STARD9: variants seen among roughly 807,000 people sequenced by gnomAD.
STARD9 encodes the protein StAR related lipid transfer domain containing 9.
A neutral mutation model predicts 399.8 loss-of-function variants in STARD9; 346 were observed. The observed-to-expected ratio is 0.87, with a 90% CI of 0.79 to 0.95. The LOEUF (loss-of-function observed/expected upper bound fraction) is 0.95, where lower values mean the gene tolerates loss of function less well. STARD9 is among the 40% of genes least tolerant of loss of function. The probability of loss-of-function intolerance (pLI) is 0.00; values close to 1 mark genes in which losing one functional copy is unlikely to be tolerated. For synonymous variants in STARD9, 2,203 were observed against 2,143.5 expected (o/e 1.03, Z -0.77); for missense variants, 5,832 against 5,667.5 (o/e 1.03, Z -0.93).
chr15:42,689,879 G>A lies in STARD9; in HGVS notation c.8301G>A (p.Glu2767=). The A allele has an allele frequency of 1.3e-6, 2 of 1,537,562 alleles. No individual in the cohort carries two copies. The highest frequency in any genetic ancestry group is 2.7e-5 in the African/African-American group (2 of 73,156). Residue 2767 remains glutamate (E), a synonymous_variant, in exon 23 of 33, where the codon GAG becomes GAA. Transcript: ENST00000290607. ...LHELSQSVPQ[E]TAEGIPPGSQ... is the part of the protein sequence containing the mutation. Reference sequence around the variant, plus strand: ...AGCTAAGTCAGTCAGTTCCGCAGGAGACTGCAGAGGGCATACCCCCTGGCA... The same window carrying A: ...AGCTAAGTCAGTCAGTTCCGCAGGAAACTGCAGAGGGCATACCCCCTGGCA...
chr15:42,648,951 G>A (rs1481535533), intron 7 of STARD9, among the ~76,000 whole-genome samples: 1 of 151,940 alleles, frequency 6.6e-6, no homozygotes, highest in Non-Finnish European at 1.5e-5. Context: ...TGCCCAGACT[G>A]GTTTTGGACT....
Position 42,690,199 on chromosome 15 carries a change from T to G in STARD9, c.8621T>G (p.Val2874Gly), listed in dbSNP as rs1250312140. 6.5e-7 allele frequency: 1 copy of G among 1,537,736 alleles called. No individual in the cohort carries two copies. The highest frequency in any genetic ancestry group is 2.4e-5 in the East Asian group (1 of 40,922). Residue 2874 changes from valine (V) to glycine (G), a missense_variant, in exon 23 of 33, where the codon GTG becomes GGG. By Grantham distance (109) the Val-to-Gly change is moderately radical. Transcript: ENST00000290607. ...VALEAPTQQC[V>G]QCKESVGSGL... is the part of the protein sequence containing the mutation. The stretch of plus-strand genomic sequence containing the variant: ...CTGGAAGCTCCCACACAGCAGTGTG[T>G]GCAGTGTAAGGAGAGTGTTGGGTCT...
Position 42,669,286 on chromosome 15 carries a change from G to A in STARD9, c.1446G>A (p.Met482Ile). ...VVIDSSLPHL[M>I]ALEDDVLSTG... ...TCGACTCCAGCCTGCCACACTTGAT[G>A]GCCTTGGAGGATGATGTGCTCAGCA... Residue 482 changes from methionine to isoleucine, a missense_variant, in exon 16 of 33, where the codon ATG (methionine) becomes ATA (isoleucine). By Grantham distance (10) the Met-to-Ile change is conservative. This residue lies in a region of STARD9 where 5,828 missense variants were observed against 5,651.1 expected (regional missense o/e 1.03). Coordinates refer to ENST00000290607, the MANE Select transcript of STARD9 (RefSeq NM_020759.3). 1.3e-6 allele frequency: 2 copies of A among 1,536,816 alleles called. No individual in the cohort carries two copies. Among genetic ancestry groups the A allele is most frequent in the Non-Finnish European group, 8.7e-7 (1 of 1,146,564 alleles).
Position 42,688,748 on chromosome 15 carries a change from C to T in STARD9, c.7170C>T (p.His2390=), listed in dbSNP as rs1232814890. The T allele has an allele frequency of 1.4e-5, 21 of 1,537,624 alleles. No homozygotes were observed. Among genetic ancestry groups the T allele is most frequent in the Non-Finnish European group, 1.7e-5 (20 of 1,147,032 alleles). ...ACCAGAGTACGGAGACCAGAAGCCA[C>T]AGCCCCGAAGGAAATGTTAGAGGGC... The part of the protein sequence containing the change: ...HQDQSTETRS[H]SPEGNVRGRS... The change falls in exon 23 of 33, where the codon CAC becomes CAT. Residue 2390 remains histidine, a synonymous_variant. Transcript: ENST00000290607.
rs1256735815 is a variant in STARD9, at chr15:42,685,014, C to T, written c.3436C>T (p.Leu1146=). 3 of 1,537,146 alleles carry T rather than the reference C, an allele frequency of 2.0e-6. No homozygotes were observed. Among genetic ancestry groups the T allele is most frequent in the South Asian group, 1.2e-5 (1 of 84,052 alleles). Residue 1146 remains leucine, a synonymous_variant, in exon 23 of 33, where the codon CTA becomes TTA. Transcript: ENST00000290607. ...PENSESDDSQ[L]SEDSLAEKRY... ...GAACTCTGAAAGTGATGACAGCCAACTATCTGAGGACTCACTGGCTGAGAA... is the reference window on the plus strand; with the variant it reads ...GAACTCTGAAAGTGATGACAGCCAATTATCTGAGGACTCACTGGCTGAGAA...
chr15:42,717,891 A>C (rs1031158079), intron 29 of STARD9, 86 bp from the exon 30 acceptor site: 1 of 1,501,300 alleles, frequency 6.7e-7, no homozygotes, highest in African/African-American at 1.4e-5. Context: ...GGATTCCTCA[A>C]GTCTTCACTC....
chr15:42,581,553 CA>C, intron 1 of STARD9: 1 of 1,107,578 alleles, frequency 9.0e-7, no homozygotes. Flanking sequence ...CGGTCTGCTC[CA>C]GCTCCTAGGG....
At position 42,684,169 on chromosome 15, in the gene STARD9, C is replaced by T; in HGVS notation, c.2591C>T (p.Thr864Ile). ...ACATTGCCACCTAGGCCTGACCCTA[C>T]ACACCAAACATCAGAGAAAACATCA... ...STTLPPRPDPTHQTSEKTSSE... is the reference protein window; with the variant it reads ...STTLPPRPDPIHQTSEKTSSE... Residue 864 changes from threonine (T) to isoleucine (I), a missense_variant, in exon 23 of 33, where the codon ACA becomes ATA. Thr to Ile is a moderately conservative substitution (Grantham distance 89). Transcript: ENST00000290607. The T allele has an allele frequency of 6.5e-7, 1 of 1,537,198 alleles. No individual in the cohort carries two copies. The highest frequency in any genetic ancestry group is 1.2e-5 in the South Asian group (1 of 84,044).
At position 42,690,944 on chromosome 15, in the gene STARD9, C is replaced by G; in HGVS notation, c.9366C>G (p.Asp3122Glu). ...LRQFRDSSVG[D>E]QNAQVCQTNP... The stretch of plus-strand genomic sequence containing the variant: ...AGTTTAGGGACAGCTCTGTAGGTGA[C>G]CAGAATGCACAGGTGTGTCAAACCA... The change falls in exon 23 of 33, where the codon GAC (aspartate) becomes GAG (glutamate). Residue 3122 changes from aspartate (D) to glutamate (E), a missense_variant. Asp to Glu is a conservative substitution (Grantham distance 45). Coordinates refer to ENST00000290607, the MANE Select transcript of STARD9 (RefSeq NM_020759.3). 1.4e-5 allele frequency: 22 copies of G among 1,537,192 alleles called. No individual in the cohort carries two copies. The highest frequency in any genetic ancestry group is 1.7e-5 in the Non-Finnish European group (20 of 1,146,906).
intron 26 of STARD9, among the ~76,000 whole-genome samples, chr15:42,702,938 T>C (rs1057201749): frequency 6.6e-6 from 1 of 152,174 alleles, no homozygotes; most frequent in Non-Finnish European, 1.5e-5. Flanking sequence ...TTTGCTTGTT[T>C]TCTTTTTTAA....
Position 42,681,499 on chromosome 15 carries a change from A to G in STARD9, c.1952A>G (p.Gln651Arg), listed in dbSNP as rs1228051526. The G allele has an allele frequency of 6.5e-7, 1 of 1,537,056 alleles. No homozygotes were observed. The highest frequency in any genetic ancestry group is 8.7e-7 in the Non-Finnish European group (1 of 1,146,862). ...GAGACATCCCACAGGGCCCAGATTC[A>G]GCAGCAGCAGAGCTACGTAGAGGAT... ...DGETSHRAQI[Q>R]QQQSYVEDLR... The change falls in exon 21 of 33, where the codon CAG becomes CGG. Residue 651 changes from glutamine to arginine, a missense_variant. This residue lies in a region of STARD9 where 5,828 missense variants were observed against 5,651.1 expected (regional missense o/e 1.03). Transcript: ENST00000290607.
intron 26 of STARD9, among the ~76,000 whole-genome samples, chr15:42,702,587 G>A (rs2140341684): frequency 6.6e-6 from 1 of 152,266 alleles, no homozygotes; most frequent in Middle Eastern, 3.4e-3. Flanking sequence ...TAATATTAGA[G>A]TTTTCTAAAT....
chr15:42,700,424 A>G (rs2060941194), intron 26 of STARD9, among the ~76,000 whole-genome samples: 2 of 152,190 alleles, frequency 1.3e-5, no homozygotes, highest in Non-Finnish European at 2.9e-5. Flanking sequence ...CCCTTTGTCG[A>G]CATCCTTACC....
rs930500379 is a variant in STARD9, at chr15:42,718,033, G to C, written c.13616G>C (p.Arg4539Pro). Residue 4539 changes from arginine (R) to proline (P), a missense_variant, in exon 30 of 33, where the codon CGG becomes CCG. This residue lies in a region of STARD9 where 5,828 missense variants were observed against 5,651.1 expected (regional missense o/e 1.03). Coordinates refer to ENST00000290607, the MANE Select transcript of STARD9 (RefSeq NM_020759.3). The part of the protein sequence containing the change: ...QLYYKVFSPT[R>P]HGFLGAGVVS... ...TACTACAAGGTGTTTTCTCCCACTC[G>C]GCATGGCTTCCTGGGGGCAGGTGTG... 6.5e-7 allele frequency: 1 copy of C among 1,537,220 alleles called. No homozygotes were observed. Among genetic ancestry groups the C allele is most frequent in the Non-Finnish European group, 8.7e-7 (1 of 1,146,924 alleles).
At chr15:42,710,421 A>G (rs2061189699) in intron 26 of STARD9, among the ~76,000 whole-genome samples, 1 of 151,922 alleles carries the variant, frequency 6.6e-6, no homozygotes, top group Admixed American at 6.6e-5. Context: ...TAGTATATTC[A>G]TAGAGTTGTG....
In STARD9 at chr15:42,690,326, C is replaced by T; in HGVS notation, c.8748C>T (p.Ala2916=). 6.5e-7 allele frequency: 1 copy of T among 1,537,210 alleles called. No homozygotes were observed. The highest frequency in any genetic ancestry group is 8.7e-7 in the Non-Finnish European group (1 of 1,146,874). ...ATCCTGGGGGAATTGGGGAGGAAGC[C>T]CCATGTAGACACCCAAGGGAAGCTT... ...SANPGGIGEE[A]PCRHPREALD... is the part of the protein sequence containing the mutation. The change falls in exon 23 of 33, where the codon GCC becomes GCT. Residue 2916 remains alanine (A), a synonymous_variant. Transcript: ENST00000290607.
In STARD9 at chr15:42,692,391, C is replaced by G. The variant is rs114324097; in HGVS notation, c.10813C>G (p.Pro3605Ala). 2.1e-5 allele frequency: 33 copies of G among 1,536,998 alleles called. No individual in the cohort carries two copies. The African/African-American group carries it at 4.4e-4, about 20-fold the overall frequency. Residue 3605 changes from proline to alanine, a missense_variant, in exon 23 of 33, where the codon CCC (proline) becomes GCC (alanine). Around this residue, in one of 2 missense-constraint regions of STARD9, gnomAD observed 5,828 missense variants for 5,651.1 expected, o/e 1.03. Coordinates refer to ENST00000290607, the MANE Select transcript of STARD9 (RefSeq NM_020759.3). ...GEADCLRSKP[P>A]LAKGSAAGPV... is the part of the protein sequence containing the mutation. ...AGCAGACTGTCTGAGGAGTAAGCCC[C>G]CCTTGGCCAAAGGAAGTGCTGCAGG...
chr15:42,597,976 GTGTGTGTGTGTTTGTATATATATA>G (rs1292806742), intron 3 of STARD9, among the ~76,000 whole-genome samples: 84 of 142,946 alleles, frequency 5.9e-4, no homozygotes, highest in African/African-American at 2.2e-3. Flanking sequence ...CAGCCTGTGT[GTGTGTGTGTGTTTGTATATATATA>G]TGTGTGTGTG....
At chr15:42,676,558 G>C (rs2060316189) in intron 20 of STARD9, among the ~76,000 whole-genome samples, 1 of 152,146 alleles carries the variant, frequency 6.6e-6, no homozygotes, top group South Asian at 2.1e-4. Context: ...CACTTTGCCT[G>C]CATTGTAACT....
Sources: gnomAD v4.1 joint callset for allele counts (sites outside exome capture counted in the v4.1 genomes callset) on GRCh38, gnomAD v4.1.1 for gene constraint, gnomAD v4.1.1 regional missense constraint, MANE v1.5 for transcripts, NCBI Gene and HGNC (gene_info 2026-07-23, HGNC 2026-07-21) for gene names.